The following NLRP7 variants were observed in gnomAD, a reference collection of about 807,000 sequenced individuals.
NLRP7 encodes the protein NACHT, LRR and PYD domains-containing protein 7.
A neutral mutation model predicts 85.5 loss-of-function variants in NLRP7; 72 were observed. The ratio of observed to expected loss-of-function variants is 0.84; its 90% CI spans 0.70 to 1.02. The LOEUF is 1.02. NLRP7 is among the 50% of genes least tolerant of loss of function. The pLI, the probability that NLRP7 is intolerant of heterozygous loss-of-function variation, is 0.00. For missense variants in NLRP7, 1,243 were observed against 1,219.5 expected, an observed-to-expected ratio of 1.02 and a Z score of -0.29; for synonymous variants, 550 against 505.2, an observed-to-expected ratio of 1.09 and a Z score of -1.19.
chr19:54,957,606 A>G (rs2069901281), intron 1 of NLRP7, among the ~76,000 whole-genome samples: 1 of 151,840 alleles, frequency 6.6e-6, no homozygotes, highest in South Asian at 2.1e-4. Flanking sequence ...TGGCCTCCCA[A>G]ACTGCTGGGA....
chr19:54,961,954 T>C (rs2070056524), intron 1 of NLRP7, among the ~76,000 whole-genome samples: 1 of 147,270 alleles, frequency 6.8e-6, no homozygotes, highest in Non-Finnish European at 1.5e-5. Context: ...AGGTCAGGAG[T>C]TCAAGAACAG....
intron 9 of NLRP7, among the ~76,000 whole-genome samples, chr19:54,925,330 C>T (rs1315095248): frequency 1.2e-4 from 18 of 152,124 alleles, no homozygotes; most frequent in Admixed American, 1.2e-3. Context: ...TCATGATATA[C>T]CCCTAAAACC....
Position 54,954,241 on chromosome 19 carries a change from C to T in NLRP7, c.-76-6736G>A, listed in dbSNP as rs1345554232. ...CCATAGAAATAACCATAAAAATGGG[C>T]AACCGGCCGGGCGCGGTGGTCACGC... On this transcript the variant is annotated intron_variant, in intron 1 of 2. Transcript: ENST00000587103. Among the ~76,000 whole-genome samples the T allele has an allele frequency of 4.7e-5, 7 of 147,858 alleles. 1 individual carries two copies. Among genetic ancestry groups the T allele is most frequent in the Non-Finnish European group, 7.5e-5 (5 of 66,422 alleles).
chr19:54,927,728 G>A, intron 9 of NLRP7: 1 of 1,614,096 alleles, frequency 6.2e-7, no homozygotes, highest in South Asian at 1.1e-5. Flanking sequence ...GAGGAGAGCA[G>A]ATCCAAGATG....
chr19:54,958,014 G>C (rs193089169), intron 1 of NLRP7, among the ~76,000 whole-genome samples: 1 of 152,106 alleles, frequency 6.6e-6, no homozygotes, highest in Non-Finnish European at 1.5e-5. Context: ...TCAGGAGTCC[G>C]AGACTAGCCT....
At chr19:54,931,388 C>A (rs2068670642) in intron 8 of NLRP7, among the ~76,000 whole-genome samples, 1 of 152,140 alleles carries the variant, frequency 6.6e-6, no homozygotes, top group East Asian at 1.9e-4. Flanking sequence ...GAAACCCCAT[C>A]TTTACTAAAT....
intron 9 of NLRP7, among the ~76,000 whole-genome samples, chr19:54,929,722 C>T (rs1012353648): frequency 6.6e-6 from 1 of 152,138 alleles, no homozygotes; most frequent in Non-Finnish European, 1.5e-5. Flanking sequence ...TCTCCAGGCC[C>T]TCTACCTGAC....
exon 1 of NLRP7, chr19:54,966,076 G>C (rs2070380554): frequency 6.6e-6 from 1 of 150,750 alleles, no homozygotes; most frequent in Admixed American, 6.7e-5. Flanking sequence ...TCACAGCTGA[G>C]GCTTCTAAGC....
At chr19:54,936,541 G>T in intron 5 of NLRP7, 110 bp from the exon 6 acceptor site, 1 of 976,886 alleles carries the variant, frequency 1.0e-6, no homozygotes, top group Non-Finnish European at 1.6e-6. Context: ...GAAGTTCTTG[G>T]CCGGGTGCAG....
intron 1 of NLRP7, among the ~76,000 whole-genome samples, chr19:54,962,639 A>G (rs775845): frequency 0.25 from 36,326 of 143,336 alleles, 4,483 homozygotes; most frequent in East Asian, 0.39. Context: ...TTGCTCTGTC[A>G]CCCAGGCTGG....
intron 1 of NLRP7, among the ~76,000 whole-genome samples, chr19:54,957,186 A>T (rs2069886077): frequency 6.6e-6 from 1 of 150,676 alleles, no homozygotes; most frequent in South Asian, 2.1e-4. Context: ...ACACCTGGCT[A>T]ATTTTTGTAT....
intron 1 of NLRP7, among the ~76,000 whole-genome samples, chr19:54,963,371 T>C (rs2070130091): frequency 6.6e-6 from 1 of 151,576 alleles, no homozygotes; most frequent in Non-Finnish European, 1.5e-5. Flanking sequence ...GAAATATAGA[T>C]GTACATATAC....
At chr19:54,930,802 G>A (rs2068644960) in intron 8 of NLRP7, 136 bp from the exon 9 acceptor site, 1 of 745,476 alleles carries the variant, frequency 1.3e-6, no homozygotes, top group Non-Finnish European at 2.3e-6. Flanking sequence ...TGCAACCTCT[G>A]CCTCCCAGGT....
intron 9 of NLRP7, among the ~76,000 whole-genome samples, chr19:54,926,845 G>GGCAGAGGT (rs1219448020): frequency 6.6e-6 from 1 of 151,082 alleles, no homozygotes; most frequent in African/African-American, 2.4e-5. Flanking sequence ...GAACCCAGGA[G>GGCAGAGGT]GCAGAGGTTG....
intron 9 of NLRP7, among the ~76,000 whole-genome samples, chr19:54,927,333 A>G (rs1278799918): frequency 6.6e-6 from 1 of 151,528 alleles, no homozygotes; most frequent in Non-Finnish European, 1.5e-5. Flanking sequence ...GTGAGCCAAG[A>G]TCGCACCACT....
chr19:54,947,649 A>G (rs1431769486), upstream of NLRP7: 1 of 1,289,138 alleles, frequency 7.8e-7, no homozygotes. Flanking sequence ...TCACCTTGAC[A>G]TCACCTGGGC....
At chr19:54,962,374 T>G (rs1180159787) in intron 1 of NLRP7, among the ~76,000 whole-genome samples, 1 of 149,450 alleles carries the variant, frequency 6.7e-6, no homozygotes, top group African/African-American at 2.5e-5. Context: ...TTCCAGCCAT[T>G]TTCCTGCCTC....
At chr19:54,941,381 CAAAAAAAAAAAA>C (rs55704982) in intron 2 of NLRP7, 42 bp downstream of exon 2, 6 of 685,134 alleles carry the variant, frequency 8.8e-6, no homozygotes, top group South Asian at 4.9e-5. Flanking sequence ...GACTCCATCT[CAAAAAAAAAAAA>C]AAAAAAAAAA....
intron 8 of NLRP7, 131 bp from the exon 9 acceptor site, chr19:54,930,797 C>T (rs1449946407): frequency 1.6e-5 from 12 of 757,738 alleles, no homozygotes; most frequent in Non-Finnish European, 2.5e-5. Flanking sequence ...CTCACTGCAA[C>T]CTCTGCCTCC....
Sources: allele counts gnomAD v4.1 joint callset (sites outside exome capture counted in the v4.1 genomes callset), GRCh38; gene constraint gnomAD v4.1.1; transcripts MANE v1.5; gene names NCBI Gene and HGNC (gene_info 2026-07-23, HGNC 2026-07-21).